Variants in SLC38A1 observed in about 807,000 individuals in gnomAD.
SLC38A1 encodes solute carrier family 38 member 1, also known as sodium-coupled neutral amino acid symporter 1.
Under a neutral mutation model 60.3 loss-of-function variants are expected in SLC38A1, and 18 were observed. The observed-to-expected ratio is 0.30, with a 90% CI of 0.21 to 0.44. The LOEUF (loss-of-function observed/expected upper bound fraction) is 0.44. Ranked by LOEUF, SLC38A1 falls within the 20% of genes least tolerant of loss-of-function variation. SLC38A1 has a pLI of 1.00. For missense variants in SLC38A1, 448 were observed against 587.2 expected, an observed-to-expected ratio of 0.76 and a Z score of 2.45; for synonymous variants, 196 against 212.1, an observed-to-expected ratio of 0.92 and a Z score of 0.66.
chr12:46,258,432 A>C (rs1205489808), intron 1 of SLC38A1, among the ~76,000 whole-genome samples: 1 of 152,192 alleles, frequency 6.6e-6, no homozygotes, highest in Non-Finnish European at 1.5e-5. Context: ...ACCCAAGTGC[A>C]AACTTGAAAT....
chr12:46,203,786 A>G lies in SLC38A1; in HGVS notation c.822+515T>C, dbSNP rs188720344. 4.6e-5 allele frequency among the ~76,000 whole-genome samples: 7 copies of G among 152,350 alleles called. No homozygotes were observed. In the East Asian group the frequency reaches 1.3e-3, roughly 29 times the overall value. On this transcript the variant is annotated intron_variant, in intron 11 of 16. Coordinates refer to ENST00000398637, the MANE Select transcript of SLC38A1 (RefSeq NM_030674.4). ...ATTCTAACAAAACCTTGTAAGATAC[A>G]GAATAGAATACTTATTTTTACTCAA...
intron 1 of SLC38A1, among the ~76,000 whole-genome samples, chr12:46,267,954 G>C (rs1195918912): frequency 2.6e-5 from 4 of 152,126 alleles, no homozygotes; most frequent in Non-Finnish European, 5.9e-5. Context: ...CTACTTCCCC[G>C]CGTTACAGAG....
At position 46,209,111 on chromosome 12, in the gene SLC38A1, C is replaced by G. The variant is rs1341490929; in HGVS notation, c.331G>C (p.Val111Leu). ...ILLFLVLLTS[V>L]TLLSIYSINL... ...ATTGAATATATAGACAGCAATGTCA[C>G]TGAAGTCAAAAGTACCCTAAAGCAA... is the stretch of plus-strand genomic sequence containing the variant. Residue 111 changes from valine to leucine, a missense_variant, in exon 6 of 17, where the codon GTG (valine) becomes CTG (leucine). Physicochemically the swap from Val to Leu is conservative, Grantham distance 32 (BLOSUM62 1). Coordinates refer to ENST00000398637, the MANE Select transcript of SLC38A1 (RefSeq NM_030674.4). The G allele has an allele frequency of 6.2e-7, 1 of 1,609,206 alleles. No individual in the cohort carries two copies. Among genetic ancestry groups the G allele is most frequent in the Non-Finnish European group, 8.5e-7 (1 of 1,176,274 alleles).
intron 7 of SLC38A1, 91 bp downstream of exon 7, chr12:46,207,438 G>A (rs912007235): frequency 7.7e-7 from 1 of 1,297,008 alleles, no homozygotes; most frequent in Non-Finnish European, 1.1e-6. Flanking sequence ...CAATGAGGAT[G>A]ATAACTGCTT....
chr12:46,260,311 T>G (rs1354248314), intron 1 of SLC38A1, among the ~76,000 whole-genome samples: 1 of 152,218 alleles, frequency 6.6e-6, no homozygotes, highest in Non-Finnish European at 1.5e-5. Context: ...TTTTAGGGCT[T>G]CAGGGCTGTA....
rs1428033968 is a variant in SLC38A1 at position 46,187,485 on chromosome 12, G to A, written c.*1485C>T. On this transcript the variant is annotated 3_prime_UTR_variant, in exon 17 of 17. Coordinates refer to ENST00000398637, the MANE Select transcript of SLC38A1 (RefSeq NM_030674.4). ...AATCACATGGGATGGCCCCACTTAGGGGAATGCAGTTCTGGGTTTCCTTGC... is the reference window on the plus strand; with the variant it reads ...AATCACATGGGATGGCCCCACTTAGAGGAATGCAGTTCTGGGTTTCCTTGC... 1 of 152,230 alleles carries A rather than the reference G, an allele frequency of 6.6e-6. No homozygotes were observed. Among genetic ancestry groups the A allele is most frequent in the Non-Finnish European group, 1.5e-5 (1 of 68,082 alleles). The allele number at this position is 152,230 out of a possible 1,614,324, so 9.4% of individuals were successfully genotyped here. A position where few individuals can be genotyped will look rare whatever the true frequency, so the allele number is the denominator to read the frequency against.
chr12:46,251,020 A>G (rs1275190364), intron 1 of SLC38A1, among the ~76,000 whole-genome samples: 1 of 152,230 alleles, frequency 6.6e-6, no homozygotes, highest in African/African-American at 2.4e-5. Context: ...GAACCAAAAA[A>G]GAGCCCACAT....
chr12:46,248,495 T>A (rs1453631817), intron 1 of SLC38A1, among the ~76,000 whole-genome samples: 2 of 152,104 alleles, frequency 1.3e-5, no homozygotes, highest in Non-Finnish European at 2.9e-5. Context: ...CCTAAATATA[T>A]ATGCACCCAA....
intron 5 of SLC38A1, among the ~76,000 whole-genome samples, chr12:46,219,941 G>A (rs1178762578): frequency 5.3e-5 from 8 of 152,298 alleles, no homozygotes; most frequent in Non-Finnish European, 7.4e-5. Context: ...ACACTCTAGC[G>A]CATGTGCGCG....
At chr12:46,211,827 CTGAT>C (rs772261273) in intron 5 of SLC38A1, among the ~76,000 whole-genome samples, 8 of 152,216 alleles carry the variant, frequency 5.3e-5, no homozygotes, top group Non-Finnish European at 1.0e-4. Context: ...CTTTAACTGT[CTGAT>C]CTGCAAAGGA....
intron 1 of SLC38A1, among the ~76,000 whole-genome samples, chr12:46,251,217 C>T (rs1340111582): frequency 6.6e-6 from 1 of 152,162 alleles, no homozygotes; most frequent in African/African-American, 2.4e-5. Flanking sequence ...TGATCTTTGA[C>T]AAACCTGACA....
At chr12:46,260,919 C>T (rs1209697116) in intron 1 of SLC38A1, among the ~76,000 whole-genome samples, 1 of 152,192 alleles carries the variant, frequency 6.6e-6, no homozygotes, top group East Asian at 1.9e-4. Context: ...CAGTCTTGCA[C>T]ATTCCTCTTT....
chr12:46,234,641 G>T (rs1290303807), intron 3 of SLC38A1, among the ~76,000 whole-genome samples: 2 of 151,898 alleles, frequency 1.3e-5, no homozygotes, highest in Non-Finnish European at 2.9e-5. Flanking sequence ...TAGAGACGGG[G>T]TTTCACCGTG....
chr12:46,235,387 T>C (rs968524609), intron 3 of SLC38A1, among the ~76,000 whole-genome samples: 4 of 152,074 alleles, frequency 2.6e-5, no homozygotes, highest in African/African-American at 9.7e-5. Flanking sequence ...GCTAACATTG[T>C]ATTAAAAAGG....
chr12:46,201,189 C>T lies in SLC38A1; in HGVS notation c.912G>A (p.Gln304=). The T allele has an allele frequency of 6.2e-7, 1 of 1,612,200 alleles. No individual in the cohort carries two copies. Among genetic ancestry groups the T allele is most frequent in the Non-Finnish European group, 8.5e-7 (1 of 1,179,026 alleles). ...TGTTTGAAACCATCTGCATTTTTTT[C>T]TGTGATCGGCTAAAAACAAATAAAT... The part of the protein sequence containing the change: ...PIYSELKDRS[Q]KKMQMVSNIS... Residue 304 remains glutamine, a synonymous_variant, in exon 13 of 17, where the codon CAG becomes CAA. Transcript: ENST00000398637.
intron 1 of SLC38A1, among the ~76,000 whole-genome samples, chr12:46,260,969 G>T (rs538705891): frequency 1.3e-5 from 2 of 152,228 alleles, no homozygotes; most frequent in South Asian, 4.1e-4. Context: ...ACAGGATGAG[G>T]TCTAATCTCT....
intron 16 of SLC38A1, among the ~76,000 whole-genome samples, chr12:46,190,583 C>T (rs1438863006): frequency 2.0e-5 from 3 of 152,208 alleles, no homozygotes; most frequent in Non-Finnish European, 2.9e-5. Context: ...TTCTCCACAT[C>T]CTCTCCAGCG....
At chr12:46,193,226 A>T (rs1319175883) in intron 16 of SLC38A1, among the ~76,000 whole-genome samples, 2 of 152,088 alleles carry the variant, frequency 1.3e-5, no homozygotes, top group Non-Finnish European at 2.9e-5. Context: ...TTCAGTTTCC[A>T]TGTAGTTGTG....
At chr12:46,192,926 T>G (rs775773742) in intron 16 of SLC38A1, among the ~76,000 whole-genome samples, 6 of 152,220 alleles carry the variant, frequency 3.9e-5, no homozygotes, top group Non-Finnish European at 7.3e-5. Context: ...TGTATCTCTA[T>G]CTCCTTCAAT....
Sources: gnomAD v4.1 joint callset for allele counts (sites outside exome capture counted in the v4.1 genomes callset) on GRCh38, gnomAD v4.1.1 for gene constraint, MANE v1.5 for transcripts, NCBI Gene and HGNC (gene_info 2026-07-23, HGNC 2026-07-21) for gene names.